NAA15: variants seen among roughly 807,000 people sequenced by gnomAD.
NAA15 encodes N-terminal acetyltransferase.
In NAA15, 34 loss-of-function variants were observed where a neutral mutation model predicts 114.0. The observed-to-expected ratio is 0.30, with a 90% CI of 0.23 to 0.40. NAA15 has a LOEUF of 0.40. NAA15 is among the 10% of genes least tolerant of loss of function. The probability of loss-of-function intolerance (pLI) is 1.00; values close to 1 mark genes in which losing one functional copy is unlikely to be tolerated. For missense variants in NAA15, 658 were observed against 1,004.5 expected, an observed-to-expected ratio of 0.66 and a Z score of 4.66; for synonymous variants, 340 against 338.0, an observed-to-expected ratio of 1.01 and a Z score of -0.06.
intron 14 of NAA15, among the ~76,000 whole-genome samples, chr4:139,367,886 A>AT (rs1283316587): frequency 6.6e-6 from 1 of 152,146 alleles, no homozygotes; most frequent in Non-Finnish European, 1.5e-5. Context: ...CATTTGACAC[A>AT]TTTTATAACA....
At chr4:139,351,142 AT>A (rs780163068) in intron 7 of NAA15, 48 bp from the exon 8 acceptor site, 1 of 955,786 alleles carries the variant, frequency 1.0e-6, no homozygotes, top group South Asian at 2.3e-5. Context: ...TCCAGAAAAA[AT>A]ATACAATTTA....
At chr4:139,347,143 C>T (rs917159246) in intron 6 of NAA15, among the ~76,000 whole-genome samples, 7 of 151,998 alleles carry the variant, frequency 4.6e-5, no homozygotes, top group Admixed American at 2.0e-4. Context: ...TTAACCTTGG[C>T]GCTGTTGACA....
chr4:139,361,680 C>T (rs375964701), intron 13 of NAA15, 44 bp from the exon 14 acceptor site: 95 of 1,191,532 alleles, frequency 8.0e-5, no homozygotes, highest in South Asian at 8.6e-5. Flanking sequence ...TTTTCTTAGC[C>T]ATTGCTGTAC....
At chr4:139,382,996 C>A (rs1433344826) in intron 17 of NAA15, among the ~76,000 whole-genome samples, 3 of 152,112 alleles carry the variant, frequency 2.0e-5, no homozygotes, top group African/African-American at 7.2e-5. Context: ...TAGAAAAGAT[C>A]AGCATATGTT....
At chr4:139,321,130 G>C (rs1410962054) in intron 1 of NAA15, among the ~76,000 whole-genome samples, 1 of 147,794 alleles carries the variant, frequency 6.8e-6, no homozygotes. Context: ...TTTTTCTTTT[G>C]CCAAAGCCAA....
At chr4:139,333,305 C>T (rs772069336) in intron 1 of NAA15, among the ~76,000 whole-genome samples, 3 of 151,786 alleles carry the variant, frequency 2.0e-5, no homozygotes, top group Admixed American at 6.6e-5. Context: ...TTTTGAAGGC[C>T]GTATATTTGT....
intron 15 of NAA15, among the ~76,000 whole-genome samples, chr4:139,375,466 TTC>T (rs1197848657): frequency 1.4e-5 from 2 of 147,040 alleles, no homozygotes. Flanking sequence ...TTCTTTTCTT[TTC>T]TTTTTTTAAA....
chr4:139,387,815 A>T, intron 19 of NAA15, 69 bp from the exon 20 acceptor site: 1 of 1,183,472 alleles, frequency 8.4e-7, no homozygotes, highest in Non-Finnish European at 1.2e-6. Context: ...TGCTGTTGAA[A>T]TGTCTAATAA....
At position 139,385,291 on chromosome 4, in the gene NAA15, T is replaced by TA. The variant is rs1380516169; in HGVS notation, c.2302+314dup. Among the ~76,000 whole-genome samples the TA allele has an allele frequency of 7.1e-5, 7 of 98,394 alleles. 1 individual carries two copies. In the East Asian group the frequency reaches 1.6e-3, roughly 23 times the overall value. 64.6% of individuals were successfully genotyped at this position (98,394 alleles called of 152,430 possible). A position where few individuals can be genotyped will look rare whatever the true frequency, so the allele number is the denominator to read the frequency against. On this transcript the variant is annotated intron_variant, in intron 18 of 19. Transcript: ENST00000296543. ...CAAACATATATATATATAATATATATATATATATAATATATATTATATATA... is the reference window on the plus strand; with the variant it reads ...CAAACATATATATATATAATATATATAATATATATAATATATATTATATATA...
chr4:139,345,273 T>C (rs1219060825), intron 6 of NAA15, among the ~76,000 whole-genome samples: 2 of 152,182 alleles, frequency 1.3e-5, no homozygotes, highest in East Asian at 3.9e-4. Flanking sequence ...CCTTCTTTCA[T>C]TTGAAGTAGT....
intron 6 of NAA15, among the ~76,000 whole-genome samples, chr4:139,346,278 ATTGC>A (rs1405107738): frequency 3.3e-5 from 5 of 152,114 alleles, no homozygotes; most frequent in Non-Finnish European, 4.4e-5. Flanking sequence ...GTTTCCTCTA[ATTGC>A]TTCCGTTTTC....
At chr4:139,358,377 G>A (rs1748031063) in intron 11 of NAA15, among the ~76,000 whole-genome samples, 1 of 151,798 alleles carries the variant, frequency 6.6e-6, no homozygotes. Flanking sequence ...TGTATTATTT[G>A]TAGAGATGGA....
At chr4:139,311,561 A>T (rs546234946) in intron 1 of NAA15, among the ~76,000 whole-genome samples, 8 of 152,078 alleles carry the variant, frequency 5.3e-5, no homozygotes, top group Non-Finnish European at 1.0e-4. Context: ...GCCTTTCATC[A>T]CAAAAGCATA....
chr4:139,351,522 T>C lies in NAA15; in HGVS notation c.925T>C (p.Cys309Arg). ...CTTCCAAGGTGAGAAGTTTAAAGAA[T>C]GTTTGGATAAGTTCCTAAGGATGAA... Reference protein sequence around the residue: ...NFLSGEKFKECLDKFLRMNFS... With the variant: ...NFLSGEKFKERLDKFLRMNFS... The change falls in exon 9 of 20, where the codon TGT becomes CGT. Residue 309 changes from cysteine to arginine, a missense_variant. By Grantham distance (180) the Cys-to-Arg change is radical. Coordinates refer to ENST00000296543, the MANE Select transcript of NAA15 (RefSeq NM_057175.5). 1 of 1,598,114 alleles carries C rather than the reference T, an allele frequency of 6.3e-7. No homozygotes were observed. Among genetic ancestry groups the C allele is most frequent in the Non-Finnish European group, 8.6e-7 (1 of 1,166,030 alleles).
chr4:139,332,737 AGGCCT>A (rs1747063656), intron 1 of NAA15, among the ~76,000 whole-genome samples: 1 of 151,544 alleles, frequency 6.6e-6, no homozygotes, highest in African/African-American at 2.4e-5. Flanking sequence ...TGGCGCCAGC[AGGCCT>A]GGCTAATTTT....
chr4:139,348,038 C>CA (rs59533947), intron 6 of NAA15, among the ~76,000 whole-genome samples: 3,967 of 62,124 alleles, frequency 0.064, 151 homozygotes, highest in African/African-American at 0.15. Context: ...GACTCCGTCT[C>CA]AAAAAAAAAA....
chr4:139,372,043 G>A (rs1485753182), intron 15 of NAA15, among the ~76,000 whole-genome samples: 5 of 152,028 alleles, frequency 3.3e-5, no homozygotes, highest in Non-Finnish European at 7.4e-5. Flanking sequence ...AGCCTCCCAA[G>A]TAGCTGGGAC....
intron 1 of NAA15, among the ~76,000 whole-genome samples, chr4:139,303,103 G>A (rs563636491): frequency 6.6e-6 from 1 of 152,336 alleles, no homozygotes; most frequent in Admixed American, 6.5e-5. Context: ...TTACAAAAGT[G>A]TCCATATGCC....
Position 139,315,028 on chromosome 4 carries a change from TAGG to T in NAA15, c.54+13198_54+13200del, listed in dbSNP as rs1746353288. ...TAGTTTAGGTTAGGTTAGGTTAGGTTAGGTTAGGTTAGGTTAGGTTAGGTTAGT... is the reference window on the plus strand; with the variant it reads ...TAGTTTAGGTTAGGTTAGGTTAGGTTTTAGGTTAGGTTAGGTTAGGTTAGT... On this transcript the variant is annotated intron_variant, in intron 1 of 19. Coordinates refer to ENST00000296543, the MANE Select transcript of NAA15 (RefSeq NM_057175.5). Among the ~76,000 whole-genome samples the T allele has an allele frequency of 2.6e-5, 3 of 116,712 alleles. 1 individual carries two copies. The highest frequency in any genetic ancestry group is 4.7e-5 in the African/African-American group (1 of 21,222). 76.6% of individuals were successfully genotyped at this position (116,712 alleles called of 152,430 possible).
Sources: gnomAD v4.1 joint callset for allele counts (sites outside exome capture counted in the v4.1 genomes callset) on GRCh38, gnomAD v4.1.1 for gene constraint, MANE v1.5 for transcripts, NCBI Gene and HGNC (gene_info 2026-07-23, HGNC 2026-07-21) for gene names.